The following ASIC2 variants were observed in gnomAD, a reference collection of about 807,000 sequenced individuals.
The protein encoded by ASIC2 is acid sensing ion channel subunit 2, also known as acid-sensing ion channel 2.
In ASIC2, 25 loss-of-function variants were observed where a neutral mutation model predicts 57.3. That is an observed-to-expected ratio of 0.44 (90% CI 0.32 to 0.61). The LOEUF is 0.61. ASIC2 is among the 20% of genes least tolerant of loss of function. ASIC2 has a pLI of 0.06. For missense variants in ASIC2, 641 were observed against 738.1 expected (o/e 0.87, Z 1.52); for synonymous variants, 319 against 307.5 (o/e 1.04, Z -0.39).
chr17:33,131,081 C>T (rs572493053), intron 1 of ASIC2, among the ~76,000 whole-genome samples: 2 of 152,252 alleles, frequency 1.3e-5, no homozygotes, highest in South Asian at 4.1e-4. Context: ...TGGCATAGAG[C>T]CTACTATGCT....
chr17:33,546,079 C>A (rs561654682), intron 1 of ASIC2, among the ~76,000 whole-genome samples: 11 of 150,730 alleles, frequency 7.3e-5, no homozygotes, highest in Non-Finnish European at 1.3e-4. Context: ...TAGCATGATG[C>A]ATTTATGGGT....
At chr17:33,070,024 T>C (rs1230487089) in intron 3 of ASIC2, among the ~76,000 whole-genome samples, 1 of 152,192 alleles carries the variant, frequency 6.6e-6, no homozygotes, top group Non-Finnish European at 1.5e-5. Flanking sequence ...GATTATAAGC[T>C]AAAACTTTTC....
At chr17:33,775,738 C>A (rs896118433) in intron 1 of ASIC2, among the ~76,000 whole-genome samples, 17 of 152,164 alleles carry the variant, frequency 1.1e-4, no homozygotes, top group Non-Finnish European at 2.2e-4. Flanking sequence ...TCTTTGTCCA[C>A]CTCCTCCTGA....
Position 33,291,576 on chromosome 17 carries a change from C to G in ASIC2, c.540G>C (p.Pro180=), listed in dbSNP as rs748966440. The G allele has an allele frequency of 3.7e-6, 6 of 1,609,676 alleles. No individual in the cohort carries two copies. In the South Asian group the frequency reaches 5.5e-5, roughly 15 times the overall value. The change falls in exon 1 of 10, where the codon CCG becomes CCC. Residue 180 remains proline, a synonymous_variant. Coordinates refer to ENST00000225823, the MANE Select transcript of ASIC2 (RefSeq NM_183377.2). ...CCAGCTTGCGGAACCACTGGCGGCG[C>G]GGCTCGTCGCCCCGCAGCAGCTCGC... ...LVSELLRGDE[P]RRQWFRKLAD... is the part of the protein sequence containing the mutation.
intron 1 of ASIC2, among the ~76,000 whole-genome samples, chr17:33,202,498 C>A (rs1201276813): frequency 6.6e-6 from 1 of 152,154 alleles, no homozygotes; most frequent in Non-Finnish European, 1.5e-5. Context: ...CATCTGGGTG[C>A]ACAGTGTGGC....
chr17:33,096,099 C>T (rs140461749), intron 2 of ASIC2, among the ~76,000 whole-genome samples: 222 of 152,260 alleles, frequency 1.5e-3, no homozygotes, highest in African/African-American at 2.3e-3. Flanking sequence ...TACTAGTGTA[C>T]GGGTGTGCCA....
chr17:33,416,604 C>T (rs1910850097), intron 1 of ASIC2, among the ~76,000 whole-genome samples: 2 of 152,186 alleles, frequency 1.3e-5, no homozygotes, highest in Admixed American at 1.3e-4. Context: ...CCCACAGTGG[C>T]AGCTGAGGGA....
intron 1 of ASIC2, among the ~76,000 whole-genome samples, chr17:34,030,852 A>G (rs1907580012): frequency 6.6e-6 from 1 of 152,270 alleles, no homozygotes; most frequent in African/African-American, 2.4e-5. Context: ...TTAGGTAAAC[A>G]AAGAGGCCAG....
At chr17:33,509,026 C>G (rs1297554491) in intron 1 of ASIC2, among the ~76,000 whole-genome samples, 1 of 152,120 alleles carries the variant, frequency 6.6e-6, no homozygotes, top group Non-Finnish European at 1.5e-5. Context: ...GCTTCCCAAG[C>G]TGGTTTTTGT....
intron 1 of ASIC2, among the ~76,000 whole-genome samples, chr17:33,858,509 G>A (rs998537381): frequency 7.2e-5 from 11 of 152,200 alleles, no homozygotes; most frequent in Non-Finnish European, 8.8e-5. Flanking sequence ...TGGGGTTAGC[G>A]GGAGCAGCTT....
chr17:33,958,672 T>G (rs1904821357), intron 1 of ASIC2, among the ~76,000 whole-genome samples: 1 of 152,058 alleles, frequency 6.6e-6, no homozygotes, highest in Non-Finnish European at 1.5e-5. Flanking sequence ...GCATTTTTCC[T>G]CCTAGACCTC....
chr17:34,042,074 C>A (rs1275165014), intron 1 of ASIC2, among the ~76,000 whole-genome samples: 2 of 152,176 alleles, frequency 1.3e-5, no homozygotes, highest in African/African-American at 4.8e-5. Context: ...ATCCAGAGGA[C>A]AAGCTTTTGA....
chr17:33,514,796 C>T (rs1183718452), intron 1 of ASIC2, among the ~76,000 whole-genome samples: 1 of 152,260 alleles, frequency 6.6e-6, no homozygotes, highest in African/African-American at 2.4e-5. Context: ...ACTCCACCTT[C>T]TTCCCTGATT....
At chr17:33,055,672 C>G (rs954905738) in intron 3 of ASIC2, among the ~76,000 whole-genome samples, 3 of 152,140 alleles carry the variant, frequency 2.0e-5, no homozygotes, top group Non-Finnish European at 2.9e-5. Flanking sequence ...GGCTTGGTGT[C>G]TGATTTTTAT....
At chr17:33,352,125 C>T (rs1908208335) in intron 1 of ASIC2, among the ~76,000 whole-genome samples, 1 of 152,112 alleles carries the variant, frequency 6.6e-6, no homozygotes, top group Non-Finnish European at 1.5e-5. Context: ...AAATGCCACC[C>T]CTCTGAGCAT....
At chr17:33,477,007 C>T (rs1256692647) in intron 1 of ASIC2, among the ~76,000 whole-genome samples, 2 of 152,070 alleles carry the variant, frequency 1.3e-5, no homozygotes, top group Non-Finnish European at 2.9e-5. Flanking sequence ...TGTGTGTATA[C>T]TATGTATATG....
chr17:33,192,351 C>G (rs1479909959), intron 1 of ASIC2, among the ~76,000 whole-genome samples: 2 of 151,966 alleles, frequency 1.3e-5, no homozygotes, highest in African/African-American at 4.8e-5. Flanking sequence ...CCATTGCACT[C>G]CAGCCTGGGC....
At chr17:33,267,002 ACT>A (rs1392638827) in intron 1 of ASIC2, among the ~76,000 whole-genome samples, 2 of 152,044 alleles carry the variant, frequency 1.3e-5, no homozygotes, top group African/African-American at 4.8e-5. Context: ...AAATTCACTG[ACT>A]CTCAAAATTA....
chr17:33,851,795 T>G (rs2141916167), intron 1 of ASIC2, among the ~76,000 whole-genome samples: 1 of 152,300 alleles, frequency 6.6e-6, no homozygotes, highest in South Asian at 2.1e-4. Context: ...TCACCCATAG[T>G]TGGGAACCAC....
Sources: gnomAD v4.1 joint callset for allele counts (sites outside exome capture counted in the v4.1 genomes callset) on GRCh38, gnomAD v4.1.1 for gene constraint, MANE v1.5 for transcripts, NCBI Gene and HGNC (gene_info 2026-07-23, HGNC 2026-07-21) for gene names.